The following NALCN variants were observed in gnomAD, a reference collection of about 807,000 sequenced individuals.
The protein encoded by NALCN is sodium leak channel, non-selective, also known as sodium leak channel NALCN.
A neutral mutation model predicts 225.3 loss-of-function variants in NALCN; 111 were observed. That is an observed-to-expected ratio of 0.49 (90% CI 0.42 to 0.58). The LOEUF is 0.58. Among genes scored for constraint, NALCN ranks in the 20% least tolerant of loss-of-function variants. The pLI, the probability that NALCN is intolerant of heterozygous loss-of-function variation, is 0.00. For synonymous variants in NALCN, 764 were observed against 769.0 expected (o/e 0.99, Z 0.11); for missense variants, 1,378 against 2,202.4 (o/e 0.63, Z 7.49).
At chr13:101,354,026 G>C (rs1270892060) in intron 6 of NALCN, among the ~76,000 whole-genome samples, 1 of 152,144 alleles carries the variant, frequency 6.6e-6, no homozygotes, top group Non-Finnish European at 1.5e-5. Context: ...GGCAATGAGA[G>C]GGCATGAACA....
In NALCN at chr13:101,291,854, A is replaced by C. The variant is rs554997; in HGVS notation, c.1047+136T>G. ...CATGAGCCACTGTGCCTGACTGGCA[A>C]CTGTATTTTTAAACAGCTTCCTGAG... On this transcript the variant is annotated intron_variant, in intron 9 of 43. Coordinates refer to ENST00000251127, the MANE Select transcript of NALCN (RefSeq NM_052867.4). The C allele has an allele frequency of 0.24, 199,162 of 841,816 alleles. 26,806 individuals are homozygous for C. The highest frequency in any genetic ancestry group is 0.47 in the African/African-American group (27,452 of 59,006). 52.1% of individuals were successfully genotyped at this position (841,816 alleles called of 1,614,324 possible).
rs1428811484 is a variant in NALCN, at chr13:101,147,954, T to G, written c.1840-3058A>C. Among the ~76,000 whole-genome samples, 5 of 152,136 alleles carry G rather than the reference T, an allele frequency of 3.3e-5. No homozygotes were observed. The East Asian group carries it at 9.7e-4, about 29-fold the overall frequency. The stretch of plus-strand genomic sequence containing the variant: ...ATCAAATTCTACTTGTTTTCTAGAT[T>G]TCAGTTCCACTAGAAATTCCTCACA... On this transcript the variant is annotated intron_variant, in intron 15 of 43. Transcript: ENST00000251127.
At chr13:101,184,207 T>C (rs1039449291) in intron 14 of NALCN, among the ~76,000 whole-genome samples, 2 of 152,214 alleles carry the variant, frequency 1.3e-5, no homozygotes, top group African/African-American at 4.8e-5. Flanking sequence ...GCATTGACAA[T>C]GCATTCAGTG....
chr13:101,098,522 G>A (rs2034636193), intron 27 of NALCN, among the ~76,000 whole-genome samples: 1 of 152,156 alleles, frequency 6.6e-6, no homozygotes, highest in Admixed American at 6.5e-5. Context: ...CATGACATCT[G>A]TTGAGTTTTA....
At chr13:101,328,200 G>GC (rs2045031035) in intron 7 of NALCN, among the ~76,000 whole-genome samples, 1 of 152,182 alleles carries the variant, frequency 6.6e-6, no homozygotes, top group Non-Finnish European at 1.5e-5. Flanking sequence ...TCAAAGCAGT[G>GC]CAAGAAATAG....
At chr13:101,252,642 C>A (rs1343102750) in intron 11 of NALCN, among the ~76,000 whole-genome samples, 2 of 152,126 alleles carry the variant, frequency 1.3e-5, no homozygotes, top group Non-Finnish European at 2.9e-5. Flanking sequence ...GTATGTAGCA[C>A]AGAGTCCTAG....
Position 101,280,856 on chromosome 13 carries a change from C to T in NALCN, c.1134+3077G>A, listed in dbSNP as rs1014009959. On this transcript the variant is annotated intron_variant, in intron 10 of 43. Coordinates refer to ENST00000251127, the MANE Select transcript of NALCN (RefSeq NM_052867.4). ...GGTTGTAGTAAACCTCATCCTTAGT[C>T]ATTCTTTTCCTCATTCTCTCTCTCT... 3.4e-5 allele frequency among the ~76,000 whole-genome samples: 5 copies of T among 148,056 alleles called. No individual in the cohort carries two copies. In the South Asian group the frequency reaches 8.7e-4, roughly 26 times the overall value.
rs866866479 is a variant in NALCN at position 101,100,430 on chromosome 13, A to T, written c.3162+354T>A. On this transcript the variant is annotated intron_variant, in intron 27 of 43. Coordinates refer to ENST00000251127, the MANE Select transcript of NALCN (RefSeq NM_052867.4). ...CTGAGGTGTGCTTTTCATCTTATTA[A>T]CCTTTCTAGCCAGAAGAGACATATC... Among the ~76,000 whole-genome samples the T allele has an allele frequency of 5.3e-5, 8 of 152,290 alleles. 1 individual carries two copies. In the Middle Eastern group the frequency reaches 0.01, roughly 194 times the overall value.
intron 17 of NALCN, among the ~76,000 whole-genome samples, chr13:101,125,915 C>T (rs188661857): frequency 6.6e-6 from 1 of 152,244 alleles, no homozygotes; most frequent in Non-Finnish European, 1.5e-5. Context: ...CCCTACAGGG[C>T]ATACTGTGTG....
At chr13:101,153,253 C>G (rs2037740196) in intron 15 of NALCN, among the ~76,000 whole-genome samples, 1 of 152,168 alleles carries the variant, frequency 6.6e-6, no homozygotes, top group African/African-American at 2.4e-5. Flanking sequence ...AGCAATATGC[C>G]TGTAATTTGA....
chr13:101,153,056 T>C (rs2037730413), intron 15 of NALCN, among the ~76,000 whole-genome samples: 1 of 149,156 alleles, frequency 6.7e-6, no homozygotes, highest in Non-Finnish European at 1.5e-5. Flanking sequence ...GTAATTTTTC[T>C]CTTTTTTTTA....
At chr13:101,348,260 G>A (rs1246232414) in intron 6 of NALCN, among the ~76,000 whole-genome samples, 1 of 152,138 alleles carries the variant, frequency 6.6e-6, no homozygotes, top group Non-Finnish European at 1.5e-5. Flanking sequence ...TATTACATGT[G>A]TGACTTAAGC....
At chr13:101,226,977 C>A (rs1566457388) in intron 13 of NALCN, among the ~76,000 whole-genome samples, 1 of 152,116 alleles carries the variant, frequency 6.6e-6, no homozygotes, top group Non-Finnish European at 1.5e-5. Flanking sequence ...GACTGCTTAG[C>A]AAGGAAAAGA....
At chr13:101,400,572 T>TGC (rs2047442424) in intron 1 of NALCN, among the ~76,000 whole-genome samples, 1 of 121,932 alleles carries the variant, frequency 8.2e-6, no homozygotes, top group African/African-American at 4.1e-5. Flanking sequence ...TGTGTGTGTG[T>TGC]GTGTGTGTGC....
At chr13:101,249,291 A>G (rs965344194) in intron 11 of NALCN, among the ~76,000 whole-genome samples, 1 of 152,218 alleles carries the variant, frequency 6.6e-6, no homozygotes, top group Non-Finnish European at 1.5e-5. Flanking sequence ...AAAATAAGTC[A>G]TTAATCAAGA....
intron 10 of NALCN, among the ~76,000 whole-genome samples, chr13:101,271,390 T>C (rs1247384633): frequency 6.6e-6 from 1 of 152,124 alleles, no homozygotes; most frequent in African/African-American, 2.4e-5. Context: ...GTTTAGTTTA[T>C]TTGGCCACTG....
chr13:101,227,863 G>T (rs930432336), intron 13 of NALCN, among the ~76,000 whole-genome samples: 2 of 152,190 alleles, frequency 1.3e-5, no homozygotes, highest in Admixed American at 1.3e-4. Context: ...AGAAGGATTT[G>T]CTCACCTCAG....
At chr13:101,077,743 C>A (rs950607041) in intron 34 of NALCN, among the ~76,000 whole-genome samples, 1 of 152,148 alleles carries the variant, frequency 6.6e-6, no homozygotes, top group South Asian at 2.1e-4. Flanking sequence ...GAAATTGAAG[C>A]CAGTTGCAGA....
At chr13:101,241,649 G>A in intron 11 of NALCN, among the ~76,000 whole-genome samples, 1 of 151,976 alleles carries the variant, frequency 6.6e-6, no homozygotes, top group East Asian at 1.9e-4. Context: ...CACCATGTTG[G>A]CCAGGTTGGT....
Sources: allele counts gnomAD v4.1 joint callset (sites outside exome capture counted in the v4.1 genomes callset), GRCh38; gene constraint gnomAD v4.1.1; transcripts MANE v1.5; gene names NCBI Gene and HGNC (gene_info 2026-07-23, HGNC 2026-07-21).